Variants in MARCHF1 observed in about 807,000 individuals in gnomAD.
MARCHF1 encodes E3 ubiquitin-protein ligase MARCHF1.
MARCHF1 carries 40 observed loss-of-function variants against 54.2 expected under a neutral mutation model. The observed-to-expected ratio is 0.74, with a 90% CI of 0.57 to 0.96. The LOEUF is 0.96. MARCHF1 is among the 40% of genes least tolerant of loss of function. The pLI, the probability that MARCHF1 is intolerant of heterozygous loss-of-function variation, is 0.00. For missense variants in MARCHF1, 586 were observed against 656.5 expected (o/e 0.89, Z 1.17); for synonymous variants, 236 against 236.3 (o/e 1.00, Z 0.01).
intron 8 of MARCHF1, among the ~76,000 whole-genome samples, chr4:163,564,933 C>T (rs568774628): frequency 1.3e-5 from 2 of 151,990 alleles, no homozygotes; most frequent in African/African-American, 2.4e-5. Context: ...TAGAGTCTCA[C>T]AGAATTTTGA....
intron 8 of MARCHF1, among the ~76,000 whole-genome samples, chr4:163,568,165 A>G (rs1739713549): frequency 6.6e-6 from 1 of 152,162 alleles, no homozygotes; most frequent in South Asian, 2.1e-4. Context: ...CATTGGACAT[A>G]TCAATATAAG....
intron 3 of MARCHF1, among the ~76,000 whole-genome samples, chr4:163,878,606 G>A (rs1360907692): frequency 6.6e-6 from 1 of 152,188 alleles, no homozygotes; most frequent in African/African-American, 2.4e-5. Flanking sequence ...CAGCACTAGT[G>A]TATGTGAATC....
At chr4:164,154,628 G>T (rs1439934545) in intron 1 of MARCHF1, among the ~76,000 whole-genome samples, 1 of 152,190 alleles carries the variant, frequency 6.6e-6, no homozygotes, top group Non-Finnish European at 1.5e-5. Flanking sequence ...GGAAATGAGG[G>T]GAGCTCTTTT....
intron 3 of MARCHF1, among the ~76,000 whole-genome samples, chr4:163,877,441 TG>T (rs1750315001): frequency 6.7e-6 from 1 of 150,370 alleles, no homozygotes; most frequent in African/African-American, 2.4e-5. Flanking sequence ...CCAATTAGTT[TG>T]CACTTGGGTG....
Position 164,058,841 on chromosome 4 carries a change from A to G in MARCHF1, c.-248+52747T>C, listed in dbSNP as rs189985298. On this transcript the variant is annotated intron_variant, in intron 2 of 9. Transcript: ENST00000514618. ...GTCTCTGATGCAAATCTTCACAGAT[A>G]TAGAAACCAATGAGTCACAATGATG... 1.1e-4 allele frequency among the ~76,000 whole-genome samples: 16 copies of G among 152,366 alleles called. No homozygotes were observed. The East Asian group carries it at 1.2e-3, about 11-fold the overall frequency.
chr4:164,005,126 A>G (rs1753261050), intron 2 of MARCHF1, among the ~76,000 whole-genome samples: 1 of 152,072 alleles, frequency 6.6e-6, no homozygotes, highest in Non-Finnish European at 1.5e-5. Context: ...AAGAGGAAAC[A>G]TTACTATATA....
At chr4:163,633,733 G>A (rs1422571969) in intron 5 of MARCHF1, among the ~76,000 whole-genome samples, 1 of 152,104 alleles carries the variant, frequency 6.6e-6, no homozygotes, top group Non-Finnish European at 1.5e-5. Context: ...TCAGATTCAG[G>A]AAATACAGAG....
At chr4:163,650,526 G>C (rs1043844667) in intron 5 of MARCHF1, among the ~76,000 whole-genome samples, 2 of 151,826 alleles carry the variant, frequency 1.3e-5, no homozygotes, top group Non-Finnish European at 2.9e-5. Flanking sequence ...TATATGTGAC[G>C]ATGAAGCTTA....
chr4:163,740,265 A>G (rs935224684), intron 4 of MARCHF1, among the ~76,000 whole-genome samples: 2 of 152,068 alleles, frequency 1.3e-5, no homozygotes, highest in African/African-American at 4.8e-5. Flanking sequence ...ATTCACCATT[A>G]TATGTTTTAG....
chr4:164,300,439 A>T (rs558955617), intron 1 of MARCHF1, among the ~76,000 whole-genome samples: 1 of 152,178 alleles, frequency 6.6e-6, no homozygotes, highest in Non-Finnish European at 1.5e-5. Context: ...CTGAACACTA[A>T]ATCTCCCCTA....
chr4:164,358,386 A>T (rs1730624294), intron 1 of MARCHF1, among the ~76,000 whole-genome samples: 1 of 152,170 alleles, frequency 6.6e-6, no homozygotes, highest in Non-Finnish European at 1.5e-5. Flanking sequence ...TATCCAAGGA[A>T]GTTTTCTTTG....
intron 2 of MARCHF1, among the ~76,000 whole-genome samples, chr4:164,069,329 A>G (rs1389836207): frequency 6.6e-6 from 1 of 152,226 alleles, no homozygotes; most frequent in Non-Finnish European, 1.5e-5. Flanking sequence ...TGCCTGAGCC[A>G]GCAGTGGCAA....
At chr4:163,833,434 T>C (rs1413549407) in intron 4 of MARCHF1, among the ~76,000 whole-genome samples, 2 of 152,012 alleles carry the variant, frequency 1.3e-5, no homozygotes, top group Non-Finnish European at 2.9e-5. Flanking sequence ...ACAGGCAACC[T>C]ACAGAATGGG....
chr4:163,806,696 G>A (rs1748233495), intron 4 of MARCHF1, among the ~76,000 whole-genome samples: 1 of 152,156 alleles, frequency 6.6e-6, no homozygotes. Context: ...TAGCATGCAA[G>A]AAAAAGTGAT....
At chr4:163,987,063 T>C (rs538888387) in intron 3 of MARCHF1, among the ~76,000 whole-genome samples, 5 of 152,230 alleles carry the variant, frequency 3.3e-5, no homozygotes, top group Non-Finnish European at 5.9e-5. Flanking sequence ...TTGGCATTTC[T>C]ATACCTATTT....
intron 1 of MARCHF1, among the ~76,000 whole-genome samples, chr4:164,249,804 T>C (rs922613781): frequency 3.3e-5 from 5 of 149,790 alleles, no homozygotes; most frequent in Non-Finnish European, 1.5e-5. Flanking sequence ...ATGCATTTGA[T>C]GAGGGAAGCA....
At chr4:163,797,940 T>A (rs1350112773) in intron 4 of MARCHF1, among the ~76,000 whole-genome samples, 1 of 152,168 alleles carries the variant, frequency 6.6e-6, no homozygotes, top group Non-Finnish European at 1.5e-5. Context: ...TTTTCAACTC[T>A]AAGCTCATGT....
intron 9 of MARCHF1, among the ~76,000 whole-genome samples, chr4:163,533,766 A>G (rs1461643731): frequency 1.3e-5 from 2 of 151,024 alleles, no homozygotes; most frequent in Non-Finnish European, 3.0e-5. Context: ...GTCAGTTTAT[A>G]GAATTTCTTC....
At chr4:163,580,033 C>A (rs1022927649) in intron 8 of MARCHF1, among the ~76,000 whole-genome samples, 1 of 151,140 alleles carries the variant, frequency 6.6e-6, no homozygotes, top group East Asian at 1.9e-4. Context: ...AGAAGTTCAT[C>A]CAGAATTGTC....
Sources: gnomAD v4.1 joint callset for allele counts (sites outside exome capture counted in the v4.1 genomes callset) on GRCh38, gnomAD v4.1.1 for gene constraint, MANE v1.5 for transcripts, NCBI Gene and HGNC (gene_info 2026-07-23, HGNC 2026-07-21) for gene names.